Variants in COL23A1 observed in about 807,000 individuals in gnomAD.
The protein encoded by COL23A1 is collagen alpha-1(XXIII) chain.
A neutral mutation model predicts 99.3 loss-of-function variants in COL23A1; 97 were observed. That is an observed-to-expected ratio of 0.98 (90% CI 0.83 to 1.16). The LOEUF is 1.16. Among genes scored for constraint, COL23A1 ranks in the 50% most tolerant of loss-of-function variants. COL23A1 has a pLI of 0.00. For synonymous variants in COL23A1, 320 were observed against 308.2 expected (o/e 1.04, Z -0.40); for missense variants, 762 against 757.4 (o/e 1.01, Z -0.07).
chr5:178,584,142 T>C (rs1032325183), intron 1 of COL23A1, among the ~76,000 whole-genome samples: 1 of 152,162 alleles, frequency 6.6e-6, no homozygotes, highest in Admixed American at 6.5e-5. Context: ...CCCAAGTAGC[T>C]GGGATTACAG....
At chr5:178,312,485 C>T (rs1038948303) in intron 2 of COL23A1, among the ~76,000 whole-genome samples, 1 of 152,182 alleles carries the variant, frequency 6.6e-6, no homozygotes, top group East Asian at 1.9e-4. Flanking sequence ...ACTCACGCCG[C>T]TGATCAACTC....
At chr5:178,271,681 A>T (rs769522176) in intron 5 of COL23A1, among the ~76,000 whole-genome samples, 5 of 152,232 alleles carry the variant, frequency 3.3e-5, no homozygotes, top group Non-Finnish European at 5.9e-5. Context: ...ATAATGCTGC[A>T]AATGCACGCA....
At chr5:178,297,632 T>C (rs960218935) in intron 3 of COL23A1, among the ~76,000 whole-genome samples, 4 of 152,216 alleles carry the variant, frequency 2.6e-5, no homozygotes, top group African/African-American at 9.6e-5. Flanking sequence ...TTGCAATCGG[T>C]AGTGGTTATT....
At chr5:178,392,957 C>T (rs542938328) in intron 2 of COL23A1, among the ~76,000 whole-genome samples, 1 of 152,328 alleles carries the variant, frequency 6.6e-6, no homozygotes, top group African/African-American at 2.4e-5. Context: ...ACAGAACGCC[C>T]TCCCTCACTG....
In COL23A1 at chr5:178,589,125, A is replaced by G. The variant is rs2113774994; in HGVS notation, c.294+779T>C. 6.6e-6 allele frequency among the ~76,000 whole-genome samples: 1 copy of G among 152,292 alleles called. No individual in the cohort carries two copies. Among genetic ancestry groups the G allele is most frequent in the South Asian group, 2.1e-4 (1 of 4,832 alleles). On this transcript the variant is annotated intron_variant, in intron 1 of 28. Transcript: ENST00000390654. This position sits in a 1 kb window ranked among gnomAD's most constrained non-coding sequence, Gnocchi z 5.4. ...AAGGTGGCTCTTTCTTTGAAGACAC[A>G]CAGCAGCAATCTTAACCCTTAGAAG...
At chr5:178,447,943 G>A (rs1214577882) in intron 2 of COL23A1, among the ~76,000 whole-genome samples, 2 of 152,146 alleles carry the variant, frequency 1.3e-5, no homozygotes, top group Non-Finnish European at 2.9e-5. Context: ...CTTGGAGCAT[G>A]AACAGAGATT....
chr5:178,566,640 A>C (rs1254343556), intron 1 of COL23A1, among the ~76,000 whole-genome samples: 2 of 152,066 alleles, frequency 1.3e-5, no homozygotes, highest in Non-Finnish European at 1.5e-5. Context: ...ACATGATGAA[A>C]TCCCCTCTCT....
chr5:178,356,512 C>T (rs1455477806), intron 2 of COL23A1, among the ~76,000 whole-genome samples: 1 of 152,094 alleles, frequency 6.6e-6, no homozygotes, highest in Non-Finnish European at 1.5e-5. Flanking sequence ...GGGCCTGAGC[C>T]CTGGAGGCAG....
At chr5:178,278,277 ATGGT>A (rs1212231719) in intron 5 of COL23A1, among the ~76,000 whole-genome samples, 1 of 151,776 alleles carries the variant, frequency 6.6e-6, no homozygotes, top group Non-Finnish European at 1.5e-5. Context: ...CCCTTGGGGC[ATGGT>A]TGGTTTCCCA....
intron 1 of COL23A1, among the ~76,000 whole-genome samples, chr5:178,565,270 T>C (rs145807248): frequency 1.8e-4 from 27 of 152,282 alleles, no homozygotes; most frequent in Non-Finnish European, 3.8e-4. Context: ...GAAGAGACAA[T>C]GTAAACCCTT....
Position 178,306,873 on chromosome 5 carries a change from AC to A in COL23A1, c.406+1del. On this transcript the variant is annotated splice_donor_variant, in intron 3 of 28. Coordinates refer to ENST00000390654, the MANE Select transcript of COL23A1 (RefSeq NM_173465.4). LOFTEE classifies it high-confidence loss of function. The surrounding 1 kb of genome is among the most constrained non-coding windows in gnomAD (Gnocchi z 4.1). ...TAGGAGCTGAGAAAACCTGGGACTC[AC>A]CAGGGTCGCCTCTTCTCCCAGGCTT... is the stretch of plus-strand genomic sequence containing the variant. 2 of 1,533,562 alleles carry A rather than the reference AC, an allele frequency of 1.3e-6. No homozygotes were observed. The highest frequency in any genetic ancestry group is 1.8e-6 in the Non-Finnish European group (2 of 1,139,236). 95.0% of individuals were successfully genotyped at this position (1,533,562 alleles called of 1,614,324 possible).
intron 2 of COL23A1, among the ~76,000 whole-genome samples, chr5:178,483,961 G>A (rs1192570108): frequency 3.9e-5 from 6 of 152,036 alleles, no homozygotes; most frequent in Admixed American, 2.6e-4. Flanking sequence ...CTTTGAGGCA[G>A]AGTTTCACTC....
chr5:178,335,911 T>C (rs547594788), intron 2 of COL23A1, among the ~76,000 whole-genome samples: 94 of 152,252 alleles, frequency 6.2e-4, no homozygotes, highest in Non-Finnish European at 1.0e-3. Context: ...TGCCAAGAAT[T>C]CCAAAGGATT....
chr5:178,268,814 CT>C, intron 6 of COL23A1, 58 bp from the exon 7 acceptor site: 1 of 1,558,672 alleles, frequency 6.4e-7, no homozygotes, highest in East Asian at 2.3e-5. Flanking sequence ...GCTGGCTCCC[CT>C]TCTGGCTTCC....
chr5:178,284,340 A>T lies in COL23A1; in HGVS notation c.441+3984T>A, dbSNP rs139947148. Among the ~76,000 whole-genome samples the T allele has an allele frequency of 4.5e-3, 692 of 152,330 alleles. 7 individuals carry two copies. The highest frequency in any genetic ancestry group is 0.016 in the African/African-American group (666 of 41,564). ...CTAGTTCTAATTAAAATATGCCCTA[A>T]ATTAAAACAATATTCATACATATAT... On this transcript the variant is annotated intron_variant, in intron 5 of 28. Transcript: ENST00000390654.
intron 1 of COL23A1, among the ~76,000 whole-genome samples, chr5:178,587,014 C>T (rs532956269): frequency 6.6e-6 from 1 of 152,308 alleles, no homozygotes; most frequent in East Asian, 1.9e-4. Context: ...TGTAAGCTGG[C>T]ATGGTCTCCT....
intron 2 of COL23A1, among the ~76,000 whole-genome samples, chr5:178,363,095 TAAGTC>T (rs1333963098): frequency 6.6e-6 from 1 of 151,404 alleles, no homozygotes; most frequent in Non-Finnish European, 1.5e-5. Flanking sequence ...TTTTTGGCTT[TAAGTC>T]AATTCAAGTT....
chr5:178,585,464 A>C (rs1409797148), intron 1 of COL23A1, among the ~76,000 whole-genome samples: 2 of 105,848 alleles, frequency 1.9e-5, no homozygotes, highest in African/African-American at 3.3e-5. Context: ...TCCCTGGTTG[A>C]TGCTGGGGGT....
chr5:178,348,276 G>A (rs576281151), intron 2 of COL23A1, among the ~76,000 whole-genome samples: 8 of 152,314 alleles, frequency 5.3e-5, no homozygotes, highest in African/African-American at 1.7e-4. Context: ...GCGACTCTGG[G>A]CTATGATCAC....
Sources: allele counts gnomAD v4.1 joint callset (sites outside exome capture counted in the v4.1 genomes callset), GRCh38; gene constraint gnomAD v4.1.1; non-coding constraint Gnocchi (gnomAD v3.1); transcripts MANE v1.5; gene names NCBI Gene and HGNC (gene_info 2026-07-23, HGNC 2026-07-21).